Variants in GINS3 observed in about 807,000 individuals in gnomAD.
GINS3 encodes GINS complex subunit 3.
In GINS3, 18 loss-of-function variants were observed where a neutral mutation model predicts 20.0. That is an observed-to-expected ratio of 0.90 (90% CI 0.62 to 1.33). GINS3 has a LOEUF of 1.33. GINS3 is among the 40% of genes most tolerant of loss of function. GINS3 has a pLI of 0.00. For synonymous variants in GINS3, 109 were observed against 107.0 expected, an observed-to-expected ratio of 1.02 and a Z score of -0.12; for missense variants, 254 against 273.6, an observed-to-expected ratio of 0.93 and a Z score of 0.51.
chr16:58,397,306 C>G (rs1305403215), intron 1 of GINS3, among the ~76,000 whole-genome samples: 1 of 150,448 alleles, frequency 6.6e-6, no homozygotes, highest in Non-Finnish European at 1.5e-5. Context: ...GGCAGAGACG[C>G]TCCTCACTTC....
At chr16:58,403,567 C>T (rs1162495858) in intron 2 of GINS3, 3 of 494,160 alleles carry the variant, frequency 6.1e-6, no homozygotes, top group Non-Finnish European at 7.2e-6. Context: ...TTGCTTGCTA[C>T]AAGTTGAGGC....
At position 58,403,576 on chromosome 16, in the gene GINS3, G is replaced by T. The variant is rs1365837479; in HGVS notation, c.420+245G>T. On this transcript the variant is annotated intron_variant, in intron 2 of 2. Coordinates refer to ENST00000318129, the MANE Select transcript of GINS3 (RefSeq NM_022770.4). The stretch of plus-strand genomic sequence containing the variant: ...TCATATTTGCTTGCTACAAGTTGAG[G>T]CCAGCAGGAACTCTAGGAAATGAGA... 13 of 480,306 alleles carry T rather than the reference G, an allele frequency of 2.7e-5. 1 individual carries two copies. In the South Asian group the frequency reaches 3.2e-4, roughly 12 times the overall value. 29.8% of individuals were successfully genotyped at this position (480,306 alleles called of 1,614,324 possible). A position where few individuals can be genotyped will look rare whatever the true frequency, so the allele number is the denominator to read the frequency against.
intron 1 of GINS3, among the ~76,000 whole-genome samples, chr16:58,393,029 C>T (rs770280127): frequency 1.3e-5 from 2 of 152,196 alleles, no homozygotes; most frequent in African/African-American, 4.8e-5. Flanking sequence ...CGCCAGGCAG[C>T]CTCCAACATT....
At chr16:58,394,072 C>T (rs1275719665) in intron 1 of GINS3, among the ~76,000 whole-genome samples, 2 of 151,938 alleles carry the variant, frequency 1.3e-5, no homozygotes, top group Non-Finnish European at 2.9e-5. Context: ...GATTTCGTTC[C>T]CATACACACT....
At chr16:58,404,299 A>C in intron 2 of GINS3, 200 bp from the exon 3 acceptor site, 1 of 584,310 alleles carries the variant, frequency 1.7e-6, no homozygotes, top group Non-Finnish European at 3.1e-6. Context: ...TTTTCATAAC[A>C]ATCCACTTCA....
chr16:58,401,873 G>T (rs1567537090), intron 1 of GINS3, among the ~76,000 whole-genome samples: 1 of 152,124 alleles, frequency 6.6e-6, no homozygotes, highest in African/African-American at 2.4e-5. Context: ...GATTTTATTA[G>T]TATTTATTCT....
At chr16:58,403,576 G>A (rs1365837479) in intron 2 of GINS3, 1 of 480,306 alleles carries the variant, frequency 2.1e-6, no homozygotes, top group Non-Finnish European at 3.7e-6. Flanking sequence ...ACAAGTTGAG[G>A]CCAGCAGGAA....
intron 1 of GINS3, among the ~76,000 whole-genome samples, chr16:58,401,394 C>T (rs944476868): frequency 3.3e-5 from 5 of 152,044 alleles, no homozygotes; most frequent in African/African-American, 7.2e-5. Context: ...GCTTCCACAG[C>T]GTGGAAGGGG....
At chr16:58,404,266 G>A (rs1965996969) in intron 2 of GINS3, 1 of 539,960 alleles carries the variant, frequency 1.9e-6, no homozygotes, top group South Asian at 2.2e-5. Context: ...TGTATTCATT[G>A]GTTTTCTTAA....
chr16:58,404,826 C>G lies in GINS3; in HGVS notation c.*97C>G. On this transcript the variant is annotated 3_prime_UTR_variant, in exon 3 of 3. Coordinates refer to ENST00000318129, the MANE Select transcript of GINS3 (RefSeq NM_022770.4). ...CTTGTACAGAACCAGAATCCTGTCC[C>G]ATTTCATGGCTTATTTCCTGTGGCC... 1 of 806,866 alleles carries G rather than the reference C, an allele frequency of 1.2e-6. No individual in the cohort carries two copies. The highest frequency in any genetic ancestry group is 2.0e-6 in the Non-Finnish European group (1 of 493,410). 50.0% of individuals were successfully genotyped at this position (806,866 alleles called of 1,614,324 possible).
In GINS3 at chr16:58,392,759, G is replaced by A. The variant is rs139027672; in HGVS notation, c.158G>A (p.Gly53Asp). Residue 53 changes from glycine to aspartate, a missense_variant, in exon 1 of 3, where the codon GGC becomes GAC. Coordinates refer to ENST00000318129, the MANE Select transcript of GINS3 (RefSeq NM_022770.4). ...LGAFFLERSA[G>D]AETDNAVPQG... ...GCTTTCTTCCTGGAGCGGAGCGCAG[G>A]CGCCGAGACTGACAACGCGGTCCCA... The A allele has an allele frequency of 6.2e-7, 1 of 1,612,056 alleles. No individual in the cohort carries two copies. Among genetic ancestry groups the A allele is most frequent in the Non-Finnish European group, 8.5e-7 (1 of 1,179,630 alleles).
At chr16:58,395,180 A>AT (rs1360176572) in intron 1 of GINS3, 1 of 424,506 alleles carries the variant, frequency 2.4e-6, no homozygotes, top group African/African-American at 2.1e-5. Context: ...GGCTCCAGAG[A>AT]TCCTCCCACC....
rs111865390 is a variant in GINS3 at position 58,394,681 on chromosome 16, G to C, written c.186+1894G>C. Among the ~76,000 whole-genome samples the C allele has an allele frequency of 3.5e-3, 531 of 152,168 alleles. 4 individuals carry two copies. The highest frequency in any genetic ancestry group is 0.012 in the African/African-American group (497 of 41,506). On this transcript the variant is annotated intron_variant, in intron 1 of 2. Transcript: ENST00000318129. The stretch of plus-strand genomic sequence containing the variant: ...TTTGTTTTTTATTCTTTTTTTCTCA[G>C]CATTAGACTTGATTATCAGCTTTAG...
intron 1 of GINS3, among the ~76,000 whole-genome samples, chr16:58,402,484 C>G (rs1246121634): frequency 6.6e-6 from 1 of 152,192 alleles, no homozygotes; most frequent in Non-Finnish European, 1.5e-5. Flanking sequence ...TTGGCTCTTA[C>G]TGCTTCATTC....
intron 1 of GINS3, among the ~76,000 whole-genome samples, chr16:58,396,058 C>T (rs1244003004): frequency 1.4e-5 from 2 of 145,172 alleles, no homozygotes; most frequent in African/African-American, 5.2e-5. Flanking sequence ...CCCCTCACCT[C>T]CCGGACGGGG....
At chr16:58,397,105 C>T (rs1369676114) in intron 1 of GINS3, among the ~76,000 whole-genome samples, 5 of 151,822 alleles carry the variant, frequency 3.3e-5, no homozygotes, top group Admixed American at 1.3e-4. Context: ...GGCTGCCGGG[C>T]GGAGACGCTC....
chr16:58,404,690 G>A lies in GINS3; in HGVS notation c.612G>A (p.Gln204=), dbSNP rs139675609. The change falls in exon 3 of 3, where the codon CAG becomes CAA. Residue 204 remains glutamine, a synonymous_variant. Transcript: ENST00000318129. The part of the protein sequence containing the change: ...ASQITASNLV[Q]NYKKRKFTDM... ...AGATCACAGCTTCCAACCTCGTTCA[G>A]AATTACAAGAAGAGAAAATTCACTG... 4 of 1,614,072 alleles carry A rather than the reference G, an allele frequency of 2.5e-6. No individual in the cohort carries two copies. Among genetic ancestry groups the A allele is most frequent in the Non-Finnish European group, 3.4e-6 (4 of 1,179,986 alleles).
chr16:58,398,891 A>G (rs1279060644), intron 1 of GINS3, among the ~76,000 whole-genome samples: 3 of 152,238 alleles, frequency 2.0e-5, no homozygotes, highest in Admixed American at 2.0e-4. Flanking sequence ...TGTGGACTTG[A>G]AAAGATGTCT....
rs930900723 is a variant in GINS3, at chr16:58,404,300, A to G, written c.421-199A>G. 2.2e-5 allele frequency: 13 copies of G among 585,508 alleles called. No homozygotes were observed. In the African/African-American group the frequency reaches 2.2e-4, roughly 10 times the overall value. 36.3% of individuals were successfully genotyped at this position (585,508 alleles called of 1,614,324 possible). ...AACAACTTACTGGATTTTCATAACA[A>G]TCCACTTCACAGATGAGGAAATTGA... On this transcript the variant is annotated intron_variant, in intron 2 of 2. Transcript: ENST00000318129.
Sources: allele counts gnomAD v4.1 joint callset (sites outside exome capture counted in the v4.1 genomes callset), GRCh38; gene constraint gnomAD v4.1.1; transcripts MANE v1.5; gene names NCBI Gene and HGNC (gene_info 2026-07-23, HGNC 2026-07-21).